CEP170: variants seen among roughly 807,000 people sequenced by gnomAD.
CEP170 encodes centrosomal protein 170.
In CEP170, 21 loss-of-function variants were observed where a neutral mutation model predicts 151.9. The observed-to-expected ratio is 0.14, with a 90% confidence interval of 0.10 to 0.20. The LOEUF (loss-of-function observed/expected upper bound fraction) is 0.20, where lower values mean the gene tolerates loss of function less well. Among genes scored for constraint, CEP170 ranks in the 10% least tolerant of loss-of-function variants. CEP170 has a pLI of 1.00. For missense variants in CEP170, 964 were observed against 1,892.9 expected (o/e 0.51, Z 9.11); for synonymous variants, 356 against 648.8 (o/e 0.55, Z 6.86).
At chr1:243,197,199 C>A (rs2060712889) in intron 7 of CEP170, among the ~76,000 whole-genome samples, 1 of 152,034 alleles carries the variant, frequency 6.6e-6, no homozygotes, top group African/African-American at 2.4e-5. Context: ...TGGGGAAAGG[C>A]AACAGACCTA....
chr1:243,172,952 A>C (rs1253558273), intron 10 of CEP170, 106 bp from the exon 11 acceptor site: 1 of 1,232,448 alleles, frequency 8.1e-7, no homozygotes, highest in African/African-American at 1.6e-5. Context: ...ATTCCAAATT[A>C]ATTTTAATAG....
chr1:243,162,184 A>T (rs921904093), intron 13 of CEP170, among the ~76,000 whole-genome samples: 4 of 152,160 alleles, frequency 2.6e-5, no homozygotes, highest in Non-Finnish European at 4.4e-5. Flanking sequence ...CCTTGCATAT[A>T]CTCCTGATAA....
In CEP170 at chr1:243,191,092, A is replaced by G; in HGVS notation, c.1034T>C (p.Met345Thr). 1 of 1,613,078 alleles carries G rather than the reference A, an allele frequency of 6.2e-7. No homozygotes were observed. The highest frequency in any genetic ancestry group is 8.5e-7 in the Non-Finnish European group (1 of 1,179,400). ...DWLAQNNPPQMLWERTEEDSK... is the reference protein window; with the variant it reads ...DWLAQNNPPQTLWERTEEDSK... ...ATCCTCTTCTGTTCTTTCCCATAGC[A>G]TTTGAGGAGGGTTGTTTTGTGCTAG... Residue 345 changes from methionine to threonine, a missense_variant, in exon 8 of 20, where the codon ATG (methionine) becomes ACG (threonine). Transcript: ENST00000366542.
chr1:243,150,392 C>A (rs932770663), intron 14 of CEP170, among the ~76,000 whole-genome samples: 2 of 152,216 alleles, frequency 1.3e-5, no homozygotes, highest in African/African-American at 4.8e-5. Context: ...CTCAGGTGAT[C>A]CGCCTGCCTT....
intron 4 of CEP170, among the ~76,000 whole-genome samples, chr1:243,202,140 C>T (rs1460995433): frequency 6.6e-6 from 1 of 152,102 alleles, no homozygotes; most frequent in Non-Finnish European, 1.5e-5. Context: ...GAAATAGTGT[C>T]TTTTGCAGCA....
At chr1:243,184,373 T>C (rs1027935772) in intron 10 of CEP170, among the ~76,000 whole-genome samples, 24 of 152,022 alleles carry the variant, frequency 1.6e-4, no homozygotes, top group Non-Finnish European at 2.5e-4. Context: ...TATATATATA[T>C]ACATATAAAA....
At chr1:243,166,626 T>C (rs1404674905) in intron 12 of CEP170, 3 of 149,600 alleles carry the variant, frequency 2.0e-5, no homozygotes, top group Admixed American at 6.6e-5. Context: ...TGTGACGAAG[T>C]AGTTTAAGTA....
At chr1:243,229,047 G>C (rs1193240079) in intron 1 of CEP170, among the ~76,000 whole-genome samples, 2 of 152,180 alleles carry the variant, frequency 1.3e-5, no homozygotes, top group Non-Finnish European at 2.9e-5. Context: ...CTTTCTCCCT[G>C]TCAGACAGCT....
intron 17 of CEP170, chr1:243,135,613 C>T (rs991856189): frequency 1.3e-5 from 2 of 152,234 alleles, no homozygotes; most frequent in African/African-American, 4.8e-5. Flanking sequence ...TCTACATTTC[C>T]TTCTGAATTT....
At chr1:243,166,750 A>G (rs980001246) in intron 12 of CEP170, among the ~76,000 whole-genome samples, 3 of 152,066 alleles carry the variant, frequency 2.0e-5, no homozygotes, top group African/African-American at 7.2e-5. Context: ...TTAATTTTCT[A>G]TTTATGAATT....
intron 14 of CEP170, among the ~76,000 whole-genome samples, chr1:243,146,676 A>C (rs1416356153): frequency 6.6e-6 from 1 of 152,080 alleles, no homozygotes; most frequent in African/African-American, 2.4e-5. Context: ...GAAAAAAAAA[A>C]AAAAACCCGA....
At chr1:243,204,766 T>C (rs2061299856) in intron 4 of CEP170, among the ~76,000 whole-genome samples, 1 of 152,196 alleles carries the variant, frequency 6.6e-6, no homozygotes, top group South Asian at 2.1e-4. Context: ...GTTTTAAATA[T>C]TATTTATATA....
At chr1:243,195,858 G>GT (rs1275502472) in intron 7 of CEP170, among the ~76,000 whole-genome samples, 1 of 151,850 alleles carries the variant, frequency 6.6e-6, no homozygotes, top group Non-Finnish European at 1.5e-5. Flanking sequence ...ATCTGAAACA[G>GT]TAATATCCTC....
intron 1 of CEP170, among the ~76,000 whole-genome samples, chr1:243,231,040 A>T (rs1308686309): frequency 1.3e-5 from 2 of 151,840 alleles, no homozygotes; most frequent in Non-Finnish European, 2.9e-5. Flanking sequence ...TAAACAGCAG[A>T]TTTCTTCTCA....
At chr1:243,205,406 T>C (rs2061342736) in intron 4 of CEP170, among the ~76,000 whole-genome samples, 1 of 152,322 alleles carries the variant, frequency 6.6e-6, no homozygotes, top group South Asian at 2.1e-4. Context: ...TCAGGCCACG[T>C]GATCTCTGCT....
chr1:243,189,383 C>T (rs958078354), intron 8 of CEP170, among the ~76,000 whole-genome samples: 6 of 151,704 alleles, frequency 4.0e-5, no homozygotes, highest in East Asian at 3.9e-4. Context: ...GGTGAAACCC[C>T]GTCTCTACTA....
intron 13 of CEP170, among the ~76,000 whole-genome samples, chr1:243,158,114 T>C (rs528620546): frequency 1.3e-5 from 2 of 152,318 alleles, no homozygotes; most frequent in African/African-American, 2.4e-5. Flanking sequence ...TGAGTTGAAG[T>C]GATCCTGAGA....
At chr1:243,172,478 T>C (rs2058917770) in intron 11 of CEP170, among the ~76,000 whole-genome samples, 1 of 152,060 alleles carries the variant, frequency 6.6e-6, no homozygotes, top group Non-Finnish European at 1.5e-5. Context: ...ACTAAAAATA[T>C]GAAATTAGCC....
chr1:243,168,954 T>G (rs551476932), intron 12 of CEP170, among the ~76,000 whole-genome samples: 1 of 150,572 alleles, frequency 6.6e-6, no homozygotes. Context: ...ATGAATGAAA[T>G]CGTTTGGACC....
Sources: gnomAD v4.1 joint callset for allele counts (sites outside exome capture counted in the v4.1 genomes callset) on GRCh38, gnomAD v4.1.1 for gene constraint, MANE v1.5 for transcripts, NCBI Gene and HGNC (gene_info 2026-07-23, HGNC 2026-07-21) for gene names.